The following APOL5 variants were observed in gnomAD, a reference collection of about 807,000 sequenced individuals.
APOL5 encodes the protein apolipoprotein L, 5.
Under a neutral mutation model 35.5 loss-of-function variants are expected in APOL5, and 29 were observed. The ratio of observed to expected loss-of-function variants is 0.82; its 90% CI spans 0.61 to 1.11. The LOEUF (loss-of-function observed/expected upper bound fraction) is 1.11. Ranked by LOEUF, APOL5 falls within the 50% of genes most tolerant of loss-of-function variation. The pLI is 0.00. For missense variants in APOL5, 514 were observed against 530.4 expected, an observed-to-expected ratio of 0.97 and a Z score of 0.30; for synonymous variants, 188 against 200.2, an observed-to-expected ratio of 0.94 and a Z score of 0.51.
At chr22:35,722,973 A>G (rs1348526094) in intron 2 of APOL5, among the ~76,000 whole-genome samples, 2 of 152,166 alleles carry the variant, frequency 1.3e-5, no homozygotes, top group African/African-American at 4.8e-5. Context: ...GTTTACAGAG[A>G]TGTTCACCTT....
chr22:35,726,295 ACTTT>A lies in APOL5; in HGVS notation c.230_233del (p.Phe77CysfsTer5). ...AGTGATGAGGCTGGTATGCTGTCCT[ACTTT>A]CTGTTTGAAGAGCTGATGCGATGTG... is the stretch of plus-strand genomic sequence containing the variant. On this transcript the variant is annotated frameshift_variant, in exon 3 of 5. Coordinates refer to ENST00000249044, the MANE Select transcript of APOL5 (RefSeq NM_030642.1). LOFTEE classifies it high-confidence loss of function. 6.2e-7 allele frequency: 1 copy of A among 1,614,220 alleles called. No individual in the cohort carries two copies. Among genetic ancestry groups the A allele is most frequent in the Middle Eastern group, 1.6e-4 (1 of 6,062 alleles).
At chr22:35,718,551 G>A (rs1032609376) in intron 1 of APOL5, among the ~76,000 whole-genome samples, 5 of 140,802 alleles carry the variant, frequency 3.6e-5, no homozygotes, top group Admixed American at 3.1e-4. Flanking sequence ...GGGAGATCGC[G>A]CCATTGCACT....
rs1168286044 is a variant in APOL5, at chr22:35,729,373, T to TG, written c.*27dup. 4 of 152,828 alleles carry TG rather than the reference T, an allele frequency of 2.6e-5. No individual in the cohort carries two copies. The highest frequency in any genetic ancestry group is 4.8e-5 in the African/African-American group (2 of 41,404). 9.5% of individuals were successfully genotyped at this position (152,828 alleles called of 1,614,324 possible). On this transcript the variant is annotated 3_prime_UTR_variant, in exon 5 of 5. Coordinates refer to ENST00000249044, the MANE Select transcript of APOL5 (RefSeq NM_030642.1). Reference sequence around the variant, plus strand: ...CCCTAGTTGGTCACCCTGTCACCACTGAACCTTGATTTAACAGAGGCAAAA... The same window carrying TG: ...CCCTAGTTGGTCACCCTGTCACCACTGGAACCTTGATTTAACAGAGGCAAAA...
intron 1 of APOL5, among the ~76,000 whole-genome samples, chr22:35,719,642 T>C (rs2058949387): frequency 6.6e-6 from 1 of 152,252 alleles, no homozygotes. Context: ...GGCTCACTTC[T>C]TCGGTGCCCT....
intron 2 of APOL5, among the ~76,000 whole-genome samples, chr22:35,722,923 T>C (rs1278282508): frequency 6.6e-6 from 1 of 152,124 alleles, no homozygotes; most frequent in Non-Finnish European, 1.5e-5. Flanking sequence ...CATCTCATAG[T>C]TCTAAAACTT....
At chr22:35,717,992 A>G in intron 1 of APOL5, 66 bp downstream of exon 1, 1 of 1,356,846 alleles carries the variant, frequency 7.4e-7, no homozygotes, top group Non-Finnish European at 1.0e-6. Flanking sequence ...CCAGAAATAG[A>G]AAAAATACGT....
At chr22:35,719,499 G>T (rs1314515107) in intron 1 of APOL5, among the ~76,000 whole-genome samples, 1 of 152,232 alleles carries the variant, frequency 6.6e-6, no homozygotes, top group African/African-American at 2.4e-5. Flanking sequence ...AGTTAAAAAT[G>T]TTATCAATTA....
intron 3 of APOL5, 99 bp from the exon 4 acceptor site, chr22:35,728,624 A>G (rs754502249): frequency 5.0e-6 from 7 of 1,394,290 alleles, no homozygotes; most frequent in Non-Finnish European, 6.8e-6. Context: ...CTCAAAGCCA[A>G]TAGAAATTTG....
intron 2 of APOL5, among the ~76,000 whole-genome samples, chr22:35,721,713 T>C (rs1198386263): frequency 6.6e-6 from 1 of 152,166 alleles, no homozygotes. Context: ...CCCATGATAA[T>C]GTCTGAGTCT....
At chr22:35,728,262 T>C (rs537198179) in intron 3 of APOL5, among the ~76,000 whole-genome samples, 10 of 152,338 alleles carry the variant, frequency 6.6e-5, no homozygotes, top group South Asian at 4.1e-4. Context: ...CTCGCTCTGT[T>C]GCCCAGGCTG....
chr22:35,718,991 G>A (rs954637588), intron 1 of APOL5, among the ~76,000 whole-genome samples: 1 of 150,212 alleles, frequency 6.7e-6, no homozygotes, highest in Non-Finnish European at 1.5e-5. Flanking sequence ...CCCAGGAGGC[G>A]CAGGTTGCAG....
At chr22:35,716,742 A>C (rs1926756098), upstream of APOL5, among the ~76,000 whole-genome samples, 1 of 89,442 alleles carries the variant, frequency 1.1e-5, no homozygotes. Flanking sequence ...CATCACATAT[A>C]TAGTACTTAA....
At chr22:35,717,787 A>G, upstream of APOL5, 1 of 765,336 alleles carries the variant, frequency 1.3e-6, no homozygotes, top group Non-Finnish European at 1.9e-6. Context: ...ATAGGTGAGG[A>G]CTGGGAGAGA....
the APOL5 span, among the ~76,000 whole-genome samples, chr22:35,708,534 C>T: frequency 6.6e-6 from 1 of 152,126 alleles, no homozygotes; most frequent in East Asian, 1.9e-4. Context: ...ATGATTTACA[C>T]GGTAAAATCT....
At chr22:35,711,995 G>A in the APOL5 span, among the ~76,000 whole-genome samples, 2 of 151,192 alleles carry the variant, frequency 1.3e-5, no homozygotes, top group African/African-American at 4.9e-5. Flanking sequence ...GTTGTGTTTT[G>A]TTGTTGTTGT....
At chr22:35,720,128 T>G (rs996173294) in intron 1 of APOL5, among the ~76,000 whole-genome samples, 10 of 152,232 alleles carry the variant, frequency 6.6e-5, no homozygotes, top group African/African-American at 2.4e-4. Context: ...CAGAGTGGTC[T>G]TAGAAAATGC....
chr22:35,727,750 G>T (rs900489428), intron 3 of APOL5, among the ~76,000 whole-genome samples: 4 of 152,234 alleles, frequency 2.6e-5, no homozygotes, highest in African/African-American at 4.8e-5. Context: ...CGTGTTGAAT[G>T]ACGTGAATGT....
intron 3 of APOL5, among the ~76,000 whole-genome samples, chr22:35,727,749 T>C (rs2146006726): frequency 6.6e-6 from 1 of 152,330 alleles, no homozygotes; most frequent in South Asian, 2.1e-4. Context: ...ACGTGTTGAA[T>C]GACGTGAATG....
upstream of APOL5, chr22:35,717,777 A>G (rs1394930183): frequency 4.3e-6 from 3 of 693,574 alleles, no homozygotes; most frequent in Admixed American, 3.3e-5. Flanking sequence ...AGAAAAAAAA[A>G]TAGGTGAGGA....
Sources: allele counts gnomAD v4.1 joint callset (sites outside exome capture counted in the v4.1 genomes callset), GRCh38; gene constraint gnomAD v4.1.1; transcripts MANE v1.5; gene names NCBI Gene and HGNC (gene_info 2026-07-23, HGNC 2026-07-21).